ART3: variants seen among roughly 807,000 people sequenced by gnomAD.
The protein encoded by ART3 is ecto-ADP-ribosyltransferase 3.
A neutral mutation model predicts 48.5 loss-of-function variants in ART3; 49 were observed. The ratio of observed to expected loss-of-function variants is 1.01; its 90% CI spans 0.80 to 1.28. The LOEUF (loss-of-function observed/expected upper bound fraction) is 1.28. Among genes scored for constraint, ART3 ranks in the 50% most tolerant of loss-of-function variants. The pLI is 0.00. For missense variants in ART3, 438 were observed against 454.3 expected (o/e 0.96, Z 0.33); for synonymous variants, 145 against 157.2 (o/e 0.92, Z 0.58).
intron 1 of ART3, among the ~76,000 whole-genome samples, chr4:76,051,579 GC>G (rs1240429092): frequency 6.6e-6 from 1 of 152,170 alleles, no homozygotes; most frequent in African/African-American, 2.4e-5. Context: ...CTGCTCTATC[GC>G]CCAGGCTGGA....
intron 1 of ART3, among the ~76,000 whole-genome samples, chr4:76,038,895 A>C (rs1468977877): frequency 6.8e-6 from 1 of 148,002 alleles, no homozygotes; most frequent in East Asian, 2.1e-4. Flanking sequence ...GCTAATTTTT[A>C]TAGTTTTAGT....
intron 1 of ART3, among the ~76,000 whole-genome samples, chr4:76,049,488 G>A (rs1023814938): frequency 7.2e-5 from 11 of 151,972 alleles, no homozygotes; most frequent in South Asian, 2.1e-4. Flanking sequence ...CAGGAAAAGC[G>A]GAAGCTGGTT....
At chr4:76,079,034 T>TCA (rs1721813660) in intron 2 of ART3, among the ~76,000 whole-genome samples, 1 of 151,888 alleles carries the variant, frequency 6.6e-6, no homozygotes, top group African/African-American at 2.4e-5. Flanking sequence ...TGAGCCGAAA[T>TCA]AGTGCCACTG....
At chr4:76,011,380 C>CA (rs1419747022) in intron 1 of ART3, 1 of 152,734 alleles carries the variant, frequency 6.5e-6, no homozygotes, top group Non-Finnish European at 1.5e-5. Flanking sequence ...GCAGCCTCCC[C>CA]AGCCGAGATG....
In ART3 at chr4:76,112,723, C is replaced by A. The variant is rs1450416956; in HGVS notation, c.*204C>A. On this transcript the variant is annotated 3_prime_UTR_variant, in exon 12 of 12. Transcript: ENST00000355810. Reference sequence around the variant, plus strand: ...ACTTTTCACTTGTATACTACTCTTACAATGGAAAAAAATCCCGAAAACTGT... The same window carrying A: ...ACTTTTCACTTGTATACTACTCTTAAAATGGAAAAAAATCCCGAAAACTGT... 5 of 452,994 alleles carry A rather than the reference C, an allele frequency of 1.1e-5. No individual in the cohort carries two copies. Among genetic ancestry groups the A allele is most frequent in the East Asian group, 7.5e-5 (2 of 26,712 alleles). 28.1% of individuals were successfully genotyped at this position (452,994 alleles called of 1,614,324 possible). A position where few individuals can be genotyped will look rare whatever the true frequency, so the allele number is the denominator to read the frequency against.
intron 1 of ART3, chr4:76,023,647 T>C: frequency 2.1e-6 from 1 of 468,782 alleles, no homozygotes. Flanking sequence ...GTATTATTTA[T>C]TGTAGCCTCC....
intron 3 of ART3, among the ~76,000 whole-genome samples, chr4:76,096,441 G>A (rs1726028903): frequency 6.6e-6 from 1 of 152,162 alleles, no homozygotes; most frequent in African/African-American, 2.4e-5. Flanking sequence ...TTTTTTAGGA[G>A]CCAGGCCTCT....
intron 1 of ART3, chr4:76,037,165 AT>A (rs1734504327): frequency 2.0e-5 from 3 of 152,730 alleles, no homozygotes; most frequent in Admixed American, 2.0e-4. Flanking sequence ...ATTAGGGATC[AT>A]AAAAAAAAGT....
chr4:76,080,082 A>T (rs933898561), intron 2 of ART3, among the ~76,000 whole-genome samples: 6 of 152,148 alleles, frequency 3.9e-5, no homozygotes, highest in Non-Finnish European at 7.4e-5. Context: ...TATGCACCAT[A>T]CAAGTATAGA....
chr4:76,019,967 A>T (rs4859583), intron 1 of ART3, among the ~76,000 whole-genome samples: 147,173 of 152,254 alleles, frequency 0.97, 71,179 homozygotes, highest in East Asian at 1. Flanking sequence ...TATCAAACTT[A>T]AAAAGTTTTG....
At chr4:76,074,124 A>G (rs1489873676), upstream of ART3, among the ~76,000 whole-genome samples, 1 of 152,180 alleles carries the variant, frequency 6.6e-6, no homozygotes, top group Non-Finnish European at 1.5e-5. Context: ...TGCGTTACTC[A>G]AATGACAGCT....
chr4:76,022,703 C>A (rs746142444), intron 1 of ART3: 3 of 1,613,578 alleles, frequency 1.9e-6, no homozygotes, highest in African/African-American at 2.7e-5. Context: ...GATCTCAACA[C>A]GTGGACAAAA....
chr4:76,064,839 T>TC (rs1472537960), intron 1 of ART3, among the ~76,000 whole-genome samples: 2 of 151,640 alleles, frequency 1.3e-5, no homozygotes, highest in African/African-American at 4.9e-5. Flanking sequence ...AGTAAATTTT[T>TC]TTTTTTTTTT....
intron 3 of ART3, among the ~76,000 whole-genome samples, chr4:76,086,631 G>T (rs1424130570): frequency 6.6e-6 from 1 of 152,312 alleles, no homozygotes; most frequent in East Asian, 1.9e-4. Context: ...TATGTGAGAT[G>T]ATAGCTATGT....
chr4:76,012,942 G>A (rs1051028689), intron 1 of ART3, among the ~76,000 whole-genome samples: 16 of 152,286 alleles, frequency 1.1e-4, no homozygotes, highest in Non-Finnish European at 2.2e-4. Flanking sequence ...TTCATTTACT[G>A]TTTATCATTC....
chr4:76,055,585 A>G (rs981461066), intron 1 of ART3, among the ~76,000 whole-genome samples: 3 of 152,166 alleles, frequency 2.0e-5, no homozygotes, highest in Non-Finnish European at 2.9e-5. Flanking sequence ...AGGTCTGACA[A>G]TGTAATTCCC....
chr4:76,097,759 A>C, intron 4 of ART3, 83 bp downstream of exon 4: 1 of 1,081,602 alleles, frequency 9.2e-7, no homozygotes, highest in South Asian at 1.4e-5. Flanking sequence ...CTACCCCACC[A>C]CTGTACTGTC....
intron 2 of ART3, among the ~76,000 whole-genome samples, chr4:76,077,625 A>G (rs1294785412): frequency 6.6e-6 from 1 of 152,238 alleles, no homozygotes; most frequent in Non-Finnish European, 1.5e-5. Flanking sequence ...TAGGAAATAT[A>G]TATGTAAGAA....
intron 1 of ART3, among the ~76,000 whole-genome samples, chr4:76,020,280 G>T (rs1732676384): frequency 1.3e-5 from 2 of 151,704 alleles, no homozygotes. Flanking sequence ...ATTTTTTTTG[G>T]TAGAGACAGG....
Sources: allele counts gnomAD v4.1 joint callset (sites outside exome capture counted in the v4.1 genomes callset), GRCh38; gene constraint gnomAD v4.1.1; transcripts MANE v1.5; gene names NCBI Gene and HGNC (gene_info 2026-07-23, HGNC 2026-07-21).